TRUB1: variants seen among roughly 807,000 people sequenced by gnomAD.
TRUB1 encodes TruB pseudouridine synthase family member 1.
A neutral mutation model predicts 33.9 loss-of-function variants in TRUB1; 23 were observed. The observed-to-expected ratio is 0.68, with a 90% CI of 0.49 to 0.96. TRUB1 has a LOEUF of 0.96. Among genes scored for constraint, TRUB1 ranks in the 40% least tolerant of loss-of-function variants. TRUB1 has a pLI of 0.00. For synonymous variants in TRUB1, 163 were observed against 165.4 expected (o/e 0.99, Z 0.11); for missense variants, 378 against 422.2 (o/e 0.90, Z 0.92).
intron 4 of TRUB1, among the ~76,000 whole-genome samples, chr10:114,966,560 A>G (rs1016632888): frequency 6.6e-6 from 1 of 152,234 alleles, no homozygotes; most frequent in Admixed American, 6.5e-5. Flanking sequence ...TTTTGAAGCT[A>G]TAGATCAATT....
At chr10:114,966,247 G>C (rs927550991) in intron 4 of TRUB1, among the ~76,000 whole-genome samples, 6 of 152,064 alleles carry the variant, frequency 3.9e-5, no homozygotes, top group Non-Finnish European at 8.8e-5. Context: ...TTTTTTAAAA[G>C]ACTATCCTTT....
intron 3 of TRUB1, 102 bp from the exon 4 acceptor site, chr10:114,959,624 C>G: frequency 1.4e-6 from 1 of 736,562 alleles, no homozygotes; most frequent in East Asian, 2.6e-5. Flanking sequence ...TATTTTGTAT[C>G]AGGTTGGTAG....
At chr10:114,946,206 T>C (rs2084210498) in intron 2 of TRUB1, among the ~76,000 whole-genome samples, 1 of 152,222 alleles carries the variant, frequency 6.6e-6, no homozygotes, top group South Asian at 2.1e-4. Context: ...TCACTGAACG[T>C]GTCTTCATCT....
chr10:114,938,381 T>TGGTTGC lies in TRUB1; in HGVS notation c.131_136dup (p.Val44_Ala45dup), dbSNP rs1440207538. 4 of 1,609,118 alleles carry TGGTTGC rather than the reference T, an allele frequency of 2.5e-6. No individual in the cohort carries two copies. The highest frequency in any genetic ancestry group is 3.4e-6 in the Non-Finnish European group (4 of 1,177,864). ...CCGTCAGCAAGGGCTGCAGCCGCGG[T>TGGTTGC]GGTTGCGGCCGCGGCCAGGACCGGA... On this transcript the variant is annotated inframe_insertion, in exon 1 of 8. Transcript: ENST00000298746.
chr10:114,975,151 G>A lies in TRUB1; in HGVS notation c.822G>A (p.Glu274=). Residue 274 remains glutamate, a synonymous_variant, in exon 8 of 8, where the codon GAG becomes GAA. Coordinates refer to ENST00000298746, the MANE Select transcript of TRUB1 (RefSeq NM_139169.5). ...KELSSCANVL[E]LTRTKQGPFT... ...TATCTTCCTGTGCCAATGTGCTAGA[G>A]CTGACCCGAACCAAACAGGGACCAT... 6.2e-7 allele frequency: 1 copy of A among 1,613,308 alleles called. No homozygotes were observed. The highest frequency in any genetic ancestry group is 8.5e-7 in the Non-Finnish European group (1 of 1,179,580).
intron 6 of TRUB1, 80 bp downstream of exon 6, chr10:114,972,354 A>AG (rs1299093991): frequency 3.5e-6 from 5 of 1,426,654 alleles, no homozygotes; most frequent in Non-Finnish European, 3.8e-6. Context: ...TCATTTTAAT[A>AG]GATCCGTAGG....
At chr10:114,953,738 C>T (rs2084247596) in intron 3 of TRUB1, among the ~76,000 whole-genome samples, 1 of 152,146 alleles carries the variant, frequency 6.6e-6, no homozygotes, top group Admixed American at 6.5e-5. Flanking sequence ...GTACAAGAAA[C>T]AAGGTACTGG....
chr10:114,971,599 TA>T (rs1199869740), intron 5 of TRUB1, among the ~76,000 whole-genome samples: 1 of 152,240 alleles, frequency 6.6e-6, no homozygotes, highest in Non-Finnish European at 1.5e-5. Flanking sequence ...ATTGTTTTAA[TA>T]TTTTCTGTGA....
intron 7 of TRUB1, 114 bp from the exon 8 acceptor site, chr10:114,975,009 C>T: frequency 6.4e-6 from 8 of 1,240,742 alleles, no homozygotes; most frequent in Non-Finnish European, 8.8e-6. Flanking sequence ...GATTATTATA[C>T]TTTTGGGTGG....
At chr10:114,965,735 A>G (rs1356516039) in intron 4 of TRUB1, among the ~76,000 whole-genome samples, 2 of 152,078 alleles carry the variant, frequency 1.3e-5, no homozygotes, top group Admixed American at 6.5e-5. Flanking sequence ...ATTTTTTTCT[A>G]CTAGCTATTG....
chr10:114,938,395 GC>G lies in TRUB1; in HGVS notation c.144del (p.Arg49GlyfsTer20), dbSNP rs1195205316. On this transcript the variant is annotated frameshift_variant, in exon 1 of 8. Coordinates refer to ENST00000298746, the MANE Select transcript of TRUB1 (RefSeq NM_139169.5). LOFTEE classifies it high-confidence loss of function. ...RAAAAVVAAA[A>X]RTGSEARVSK... ...TGCAGCCGCGGTGGTTGCGGCCGCG[GC>G]CAGGACCGGATCCGAAGCCAGGGTC... is the stretch of plus-strand genomic sequence containing the variant. 6.2e-7 allele frequency: 1 copy of G among 1,606,050 alleles called. No homozygotes were observed.
intron 2 of TRUB1, among the ~76,000 whole-genome samples, chr10:114,945,412 T>C (rs949108273): frequency 6.6e-6 from 1 of 152,248 alleles, no homozygotes; most frequent in Non-Finnish European, 1.5e-5. Flanking sequence ...TTTCCAGGCA[T>C]GGCACCACAA....
rs1008535026 is a variant in TRUB1 at position 114,977,284 on chromosome 10, A to G, written c.*1905A>G. The stretch of plus-strand genomic sequence containing the variant: ...TTGTTCACATAGTCTTAAGGCACCT[A>G]TACTTTTAAATTGACTTTTTCATTT... On this transcript the variant is annotated 3_prime_UTR_variant, in exon 8 of 8. Coordinates refer to ENST00000298746, the MANE Select transcript of TRUB1 (RefSeq NM_139169.5). 1.7e-4 allele frequency: 26 copies of G among 152,044 alleles called. No individual in the cohort carries two copies. The highest frequency in any genetic ancestry group is 6.3e-4 in the African/African-American group (26 of 41,434). 9.4% of individuals were successfully genotyped at this position (152,044 alleles called of 1,614,324 possible). A position where few individuals can be genotyped will look rare whatever the true frequency, so the allele number is the denominator to read the frequency against.
chr10:114,942,091 G>T (rs774304613), intron 1 of TRUB1, among the ~76,000 whole-genome samples: 1 of 151,972 alleles, frequency 6.6e-6, no homozygotes, highest in Admixed American at 6.6e-5. Flanking sequence ...GCCTAGATTC[G>T]CTTCTTTAAT....
At chr10:114,949,177 G>A (rs2084223583) in intron 2 of TRUB1, among the ~76,000 whole-genome samples, 1 of 152,212 alleles carries the variant, frequency 6.6e-6, no homozygotes, top group Non-Finnish European at 1.5e-5. Context: ...ATTATAAGCT[G>A]TTTCAGAGTT....
intron 1 of TRUB1, among the ~76,000 whole-genome samples, chr10:114,941,861 T>C (rs1469618747): frequency 6.6e-6 from 1 of 152,100 alleles, no homozygotes; most frequent in Non-Finnish European, 1.5e-5. Flanking sequence ...CTTGGCTCAC[T>C]GCAAACTCCG....
chr10:114,950,452 G>T (rs2084229344), intron 2 of TRUB1, among the ~76,000 whole-genome samples: 1 of 152,186 alleles, frequency 6.6e-6, no homozygotes, highest in Non-Finnish European at 1.5e-5. Context: ...AACAAAAAGA[G>T]AAGTGACTAA....
At chr10:114,951,023 A>G in intron 2 of TRUB1, 71 bp from the exon 3 acceptor site, 1 of 1,395,532 alleles carries the variant, frequency 7.2e-7, no homozygotes, top group Admixed American at 1.8e-5. Flanking sequence ...ATTATGACCA[A>G]AAAATATAGC....
intron 2 of TRUB1, among the ~76,000 whole-genome samples, chr10:114,948,341 T>G (rs1006204210): frequency 6.6e-5 from 10 of 152,234 alleles, no homozygotes; most frequent in African/African-American, 2.2e-4. Flanking sequence ...TTCCTACCTT[T>G]GAAGCCTGCC....
Sources: gnomAD v4.1 joint callset for allele counts (sites outside exome capture counted in the v4.1 genomes callset) on GRCh38, gnomAD v4.1.1 for gene constraint, MANE v1.5 for transcripts, NCBI Gene and HGNC (gene_info 2026-07-23, HGNC 2026-07-21) for gene names.